The following AAK1 variants were observed in gnomAD, a reference collection of about 807,000 sequenced individuals.
The protein encoded by AAK1 is AP2-associated protein kinase 1.
In AAK1, 37 loss-of-function variants were observed where a neutral mutation model predicts 116.0. That is an observed-to-expected ratio of 0.32 (90% CI 0.25 to 0.42). The LOEUF (loss-of-function observed/expected upper bound fraction) is 0.42. AAK1 is among the 10% of genes least tolerant of loss of function. The pLI is 1.00. For missense variants in AAK1, 919 were observed against 1,170.6 expected, an observed-to-expected ratio of 0.79 and a Z score of 3.14; for synonymous variants, 458 against 439.9, an observed-to-expected ratio of 1.04 and a Z score of -0.51.
intron 14 of AAK1, 63 bp from the exon 15 acceptor site, chr2:69,507,641 C>A: frequency 7.2e-7 from 1 of 1,383,024 alleles, no homozygotes. Context: ...CAAAAAGGGT[C>A]AACTTATTTT....
chr2:69,472,239 T>C lies in AAK1; in HGVS notation c.*3630A>G. 1.1e-6 allele frequency: 1 copy of C among 874,278 alleles called. No homozygotes were observed. Among genetic ancestry groups the C allele is most frequent in the Non-Finnish European group, 1.4e-6 (1 of 728,670 alleles). The allele number at this position is 874,278 out of a possible 1,614,324, so 54.2% of individuals were successfully genotyped here. On this transcript the variant is annotated 3_prime_UTR_variant, in exon 22 of 22. Transcript: ENST00000409085. ...TGTCTTCAACAGTAACCACTCTTCA[T>C]CTTACAGGGTTGAATTTGCTTTCTG...
In AAK1 at chr2:69,471,109, C is replaced by T; in HGVS notation, c.*4760G>A. 1.0e-6 allele frequency: 1 copy of T among 985,760 alleles called. No homozygotes were observed. Among genetic ancestry groups the T allele is most frequent in the Non-Finnish European group, 1.2e-6 (1 of 829,940 alleles). 61.1% of individuals were successfully genotyped at this position (985,760 alleles called of 1,614,324 possible). A position where few individuals can be genotyped will look rare whatever the true frequency, so the allele number is the denominator to read the frequency against. On this transcript the variant is annotated 3_prime_UTR_variant, in exon 22 of 22. Transcript: ENST00000409085. Reference sequence around the variant, plus strand: ...ACGCGTTAAAGACCTATGATAAACACACATCCACATGACAAAGGAGAGTGC... The same window carrying T: ...ACGCGTTAAAGACCTATGATAAACATACATCCACATGACAAAGGAGAGTGC...
At position 69,466,311 on chromosome 2, in the gene AAK1, C is replaced by T. The variant is rs757417032; in HGVS notation, c.*9558G>A. On this transcript the variant is annotated 3_prime_UTR_variant, in exon 22 of 22. Coordinates refer to ENST00000409085, the MANE Select transcript of AAK1 (RefSeq NM_014911.5). ...TTCTTCAGACTCCATAAGGAGAGGCCGAGACCCACTGCAGTCCAGCATGTC... is the reference window on the plus strand; with the variant it reads ...TTCTTCAGACTCCATAAGGAGAGGCTGAGACCCACTGCAGTCCAGCATGTC... 1.1e-5 allele frequency: 14 copies of T among 1,289,642 alleles called. No individual in the cohort carries two copies. Among genetic ancestry groups the T allele is most frequent in the African/African-American group, 7.6e-5 (5 of 65,842 alleles). The allele number at this position is 1,289,642 out of a possible 1,614,324, so 79.9% of individuals were successfully genotyped here. A position where few individuals can be genotyped will look rare whatever the true frequency, so the allele number is the denominator to read the frequency against.
At chr2:69,579,396 T>C (rs1350590247) in intron 2 of AAK1, among the ~76,000 whole-genome samples, 1 of 152,040 alleles carries the variant, frequency 6.6e-6, no homozygotes, top group African/African-American at 2.4e-5. Context: ...CTGGGCAACA[T>C]GGAGAGACCC....
chr2:69,525,947 C>A (rs1670004164), intron 9 of AAK1, among the ~76,000 whole-genome samples: 1 of 152,074 alleles, frequency 6.6e-6, no homozygotes, highest in South Asian at 2.1e-4. Context: ...AACCAACACA[C>A]AATACTAGTT....
At chr2:69,601,171 G>A (rs1336561609) in intron 2 of AAK1, among the ~76,000 whole-genome samples, 1 of 152,180 alleles carries the variant, frequency 6.6e-6, no homozygotes, top group Non-Finnish European at 1.5e-5. Context: ...CAGTGGTCTG[G>A]AACAGAACCT....
chr2:69,469,775 G>A lies in AAK1; in HGVS notation c.*6094C>T, dbSNP rs1558886049. On this transcript the variant is annotated 3_prime_UTR_variant, in exon 22 of 22. Coordinates refer to ENST00000409085, the MANE Select transcript of AAK1 (RefSeq NM_014911.5). ...TGGTTTCACACATAAAATTAAGCAAGAAGTCAAAACATACTTCTTTTTCTT... is the reference window on the plus strand; with the variant it reads ...TGGTTTCACACATAAAATTAAGCAAAAAGTCAAAACATACTTCTTTTTCTT... The A allele has an allele frequency of 1.0e-6, 1 of 985,432 alleles. No homozygotes were observed. Among genetic ancestry groups the A allele is most frequent in the East Asian group, 1.1e-4 (1 of 8,818 alleles). 61.0% of individuals were successfully genotyped at this position (985,432 alleles called of 1,614,324 possible). A position where few individuals can be genotyped will look rare whatever the true frequency, so the allele number is the denominator to read the frequency against.
intron 3 of AAK1, among the ~76,000 whole-genome samples, chr2:69,549,954 A>T (rs970899392): frequency 2.0e-5 from 3 of 152,238 alleles, no homozygotes; most frequent in African/African-American, 7.2e-5. Flanking sequence ...CTATTTCTTT[A>T]AACGAGTTAT....
At chr2:69,607,048 A>C (rs1364516976) in intron 2 of AAK1, among the ~76,000 whole-genome samples, 177 of 114,746 alleles carry the variant, frequency 1.5e-3, no homozygotes, top group African/African-American at 8.8e-3. Flanking sequence ...TCTTGCCTCA[A>C]AAAAAAAAAA....
intron 2 of AAK1, among the ~76,000 whole-genome samples, chr2:69,615,238 C>T (rs566723951): frequency 5.3e-5 from 8 of 152,274 alleles, no homozygotes; most frequent in South Asian, 4.1e-4. Flanking sequence ...AGCCACTTCT[C>T]GGGACTTCGC....
At chr2:69,600,083 C>T (rs1673501672) in intron 2 of AAK1, among the ~76,000 whole-genome samples, 1 of 151,878 alleles carries the variant, frequency 6.6e-6, no homozygotes, top group South Asian at 2.1e-4. Context: ...TGTCCAGCCT[C>T]TCCAATGTTT....
intron 17 of AAK1, among the ~76,000 whole-genome samples, chr2:69,485,247 T>TA (rs544238195): frequency 1.1e-3 from 163 of 152,304 alleles, no homozygotes; most frequent in African/African-American, 3.8e-3. Context: ...GACCCAAAAT[T>TA]ACTTGCTTGT....
Position 69,472,004 on chromosome 2 carries a change from GAAGTCCAATATC to G in AAK1, c.*3853_*3864del. ...TGTGTAATTCTAATTCAGGAAGAGC[GAAGTCCAATATC>G]AAATAACACTGAACAAAGTGACAAC... On this transcript the variant is annotated 3_prime_UTR_variant, in exon 22 of 22. Coordinates refer to ENST00000409085, the MANE Select transcript of AAK1 (RefSeq NM_014911.5). The G allele has an allele frequency of 2.0e-6, 2 of 985,324 alleles. No homozygotes were observed. The highest frequency in any genetic ancestry group is 2.4e-6 in the Non-Finnish European group (2 of 829,838). The allele number at this position is 985,324 out of a possible 1,614,324, so 61.0% of individuals were successfully genotyped here. A position where few individuals can be genotyped will look rare whatever the true frequency, so the allele number is the denominator to read the frequency against.
intron 17 of AAK1, among the ~76,000 whole-genome samples, chr2:69,493,948 G>T (rs1224457806): frequency 6.6e-6 from 1 of 152,172 alleles, no homozygotes; most frequent in African/African-American, 2.4e-5. Context: ...TAGAGGGGTA[G>T]GCAAGGGCCA....
At chr2:69,639,302 C>T (rs1675594282) in intron 2 of AAK1, among the ~76,000 whole-genome samples, 1 of 152,188 alleles carries the variant, frequency 6.6e-6, no homozygotes, top group Non-Finnish European at 1.5e-5. Flanking sequence ...CTTCTTTGAA[C>T]ATTGCTCCAA....
chr2:69,596,169 C>T (rs1188368638), intron 2 of AAK1, among the ~76,000 whole-genome samples: 1 of 152,150 alleles, frequency 6.6e-6, no homozygotes, highest in East Asian at 1.9e-4. Context: ...TGTTTTCATG[C>T]CTGCTAACAC....
In AAK1 at chr2:69,468,166, A is replaced by G. The variant is rs1674550912; in HGVS notation, c.*7703T>C. On this transcript the variant is annotated 3_prime_UTR_variant, in exon 22 of 22. Transcript: ENST00000409085. ...TTATAATTTTAGTATGTGCAGCTAC[A>G]TGGTGATACGAAAGCATCAGTCAGT... 1.0e-6 allele frequency: 1 copy of G among 985,342 alleles called. No homozygotes were observed. Among genetic ancestry groups the G allele is most frequent in the Non-Finnish European group, 1.2e-6 (1 of 829,928 alleles). 61.0% of individuals were successfully genotyped at this position (985,342 alleles called of 1,614,324 possible).
chr2:69,623,172 A>T (rs752391043), intron 2 of AAK1, among the ~76,000 whole-genome samples: 4 of 152,186 alleles, frequency 2.6e-5, no homozygotes, highest in Non-Finnish European at 2.9e-5. Context: ...TAGCGAGACC[A>T]CGAACCCACC....
Position 69,470,171 on chromosome 2 carries a change from A to T in AAK1, c.*5698T>A. On this transcript the variant is annotated 3_prime_UTR_variant, in exon 22 of 22. Transcript: ENST00000409085. ...ACACCAGAAGTTTACTTTTCCTCAT[A>T]CCAAAAACTGAAAGAACGGTTACAG... The T allele has an allele frequency of 1.0e-6, 1 of 985,404 alleles. No homozygotes were observed. Among genetic ancestry groups the T allele is most frequent in the Non-Finnish European group, 1.2e-6 (1 of 829,922 alleles). 61.0% of individuals were successfully genotyped at this position (985,404 alleles called of 1,614,324 possible). A position where few individuals can be genotyped will look rare whatever the true frequency, so the allele number is the denominator to read the frequency against.
Sources: gnomAD v4.1 joint callset for allele counts (sites outside exome capture counted in the v4.1 genomes callset) on GRCh38, gnomAD v4.1.1 for gene constraint, MANE v1.5 for transcripts, NCBI Gene and HGNC (gene_info 2026-07-23, HGNC 2026-07-21) for gene names.